Variants in MCF2L2 observed in about 807,000 individuals in gnomAD.
The protein encoded by MCF2L2 is probable guanine nucleotide exchange factor MCF2L2.
Under a neutral mutation model 150.2 loss-of-function variants are expected in MCF2L2, and 102 were observed. The observed-to-expected ratio is 0.68, with a 90% CI of 0.58 to 0.80. MCF2L2 has a LOEUF of 0.80. Ranked by LOEUF, MCF2L2 falls within the 30% of genes least tolerant of loss-of-function variation. MCF2L2 has a pLI of 0.00. For missense variants in MCF2L2, 1,256 were observed against 1,372.8 expected (o/e 0.91, Z 1.34); for synonymous variants, 465 against 491.3 (o/e 0.95, Z 0.71).
At chr3:183,246,662 ACC>A in intron 15 of MCF2L2, among the ~76,000 whole-genome samples, 1 of 152,332 alleles carries the variant, frequency 6.6e-6, no homozygotes, top group South Asian at 2.1e-4. Flanking sequence ...ATGTGCAAGT[ACC>A]TGTCTGAGTC....
At chr3:183,338,447 CAAAAAAA>C (rs58920831) in intron 5 of MCF2L2, among the ~76,000 whole-genome samples, 27 of 104,704 alleles carry the variant, frequency 2.6e-4, no homozygotes, top group South Asian at 1.0e-3. Context: ...AACTCTATCT[CAAAAAAA>C]AAAAAAAAAA....
chr3:183,380,502 AGCGATTCTCCT>A (rs761433373), intron 2 of MCF2L2, among the ~76,000 whole-genome samples: 1 of 152,164 alleles, frequency 6.6e-6, no homozygotes, highest in African/African-American at 2.4e-5. Flanking sequence ...CACAGGTTCA[AGCGATTCTCCT>A]GCCTCAGCCT....
chr3:183,182,222 G>C (rs771844014), intron 27 of MCF2L2, among the ~76,000 whole-genome samples: 1 of 152,120 alleles, frequency 6.6e-6, no homozygotes, highest in African/African-American at 2.4e-5. Flanking sequence ...GTCAACCCCA[G>C]ATTCCACCTC....
At chr3:183,208,713 C>A (rs1042854213) in intron 22 of MCF2L2, among the ~76,000 whole-genome samples, 1 of 152,184 alleles carries the variant, frequency 6.6e-6, no homozygotes, top group Non-Finnish European at 1.5e-5. Context: ...GGGACCAAGA[C>A]AAAGAAATCT....
chr3:183,178,389 G>T lies in MCF2L2; in HGVS notation c.*991C>A, dbSNP rs1182871860. 6.6e-6 allele frequency: 1 copy of T among 152,150 alleles called. No individual in the cohort carries two copies. The highest frequency in any genetic ancestry group is 6.5e-5 in the Admixed American group (1 of 15,280). The allele number at this position is 152,150 out of a possible 1,614,324, so 9.4% of individuals were successfully genotyped here. On this transcript the variant is annotated 3_prime_UTR_variant, in exon 30 of 30. Transcript: ENST00000328913. ...GGAGGCTGAGGCAGGAGAATGGCGT[G>T]AACCCGGGAGGCGGTTTGCAGTGAG...
At chr3:183,359,005 T>G in intron 3 of MCF2L2, among the ~76,000 whole-genome samples, 1 of 137,174 alleles carries the variant, frequency 7.3e-6, no homozygotes, top group East Asian at 2.8e-4. Flanking sequence ...TTCATTGGGT[T>G]TTTTTTTTTT....
At position 183,240,541 on chromosome 3, in the gene MCF2L2, GTCT is replaced by G. The variant is rs200962897; in HGVS notation, c.1863-9527_1863-9525del. On this transcript the variant is annotated intron_variant, in intron 15 of 29. Transcript: ENST00000328913. ...TCCCCCAAAGCTCCATTTTTATCCTGTCTTCATTCTCTCTTCAAGAACTTGCCC... is the reference window on the plus strand; with the variant it reads ...TCCCCCAAAGCTCCATTTTTATCCTGTCATTCTCTCTTCAAGAACTTGCCC... Among the ~76,000 whole-genome samples, 740 of 152,296 alleles carry G rather than the reference GTCT, an allele frequency of 4.9e-3. 25 individuals are homozygous for G. The highest frequency in any genetic ancestry group is 0.046 in the Admixed American group (708 of 15,298).
At chr3:183,194,003 T>A (rs1025837885) in intron 26 of MCF2L2, among the ~76,000 whole-genome samples, 12 of 152,030 alleles carry the variant, frequency 7.9e-5, no homozygotes, top group Non-Finnish European at 1.8e-4. Context: ...TAAGACAAAC[T>A]CCATGCCCTA....
chr3:183,311,510 T>C, intron 8 of MCF2L2, 138 bp downstream of exon 8: 1 of 961,924 alleles, frequency 1.0e-6, no homozygotes. Context: ...TCTTTTTTCC[T>C]TTGTTGTCTC....
chr3:183,278,212 T>TATA (rs1560398605), intron 14 of MCF2L2, among the ~76,000 whole-genome samples: 6 of 147,826 alleles, frequency 4.1e-5, no homozygotes, highest in African/African-American at 1.3e-4. Context: ...ATATATATAT[T>TATA]TTTTATTATA....
In MCF2L2 at chr3:183,300,162, AC is replaced by A; in HGVS notation, c.1147del (p.Val383LeufsTer41). 1 of 1,610,860 alleles carries A rather than the reference AC, an allele frequency of 6.2e-7. No homozygotes were observed. The highest frequency in any genetic ancestry group is 8.5e-7 in the Non-Finnish European group (1 of 1,179,294). Reference protein sequence around the residue: ...PLEKAQLLALVGDQLIQSHHY... With the variant: ...PLEKAQLLALXGDQLIQSHHY... The stretch of plus-strand genomic sequence containing the variant: ...GTGGCTTTGGATGAGCTGGTCCCCA[AC>A]CAGTGCCAGCAGCTGGGCCTTTTCC... On this transcript the variant is annotated frameshift_variant, in exon 11 of 30. Coordinates refer to ENST00000328913, the MANE Select transcript of MCF2L2 (RefSeq NM_015078.4). LOFTEE classifies it high-confidence loss of function.
At position 183,366,272 on chromosome 3, in the gene MCF2L2, T is replaced by C. The variant is rs190862370; in HGVS notation, c.275+13025A>G. On this transcript the variant is annotated intron_variant, in intron 3 of 29. Coordinates refer to ENST00000328913, the MANE Select transcript of MCF2L2 (RefSeq NM_015078.4). ...GATCAATGTTTTTTACATAAAAAAA[T>C]TCCATTCCCAGCCAAACTACTGATC... Among the ~76,000 whole-genome samples, 150 of 152,320 alleles carry C rather than the reference T, an allele frequency of 9.8e-4. 1 individual carries two copies. Among genetic ancestry groups the C allele is most frequent in the Admixed American group, 3.6e-3 (55 of 15,304 alleles).
Position 183,181,440 on chromosome 3 carries a change from CCTAGTCCCAGGAGG to C in MCF2L2, c.3017-1295_3017-1282del, listed in dbSNP as rs1201006142. ...GGTTGAAGCAAGTCCTGGTTGAGTT[CCTAGTCCCAGGAGG>C]TGGGAGGGGCAAGGGGTGGAGGGCA... On this transcript the variant is annotated intron_variant, in intron 27 of 29. Transcript: ENST00000328913. The surrounding 1 kb of genome is among the most constrained non-coding windows in gnomAD (Gnocchi z 4.3). 3.9e-5 allele frequency among the ~76,000 whole-genome samples: 6 copies of C among 152,132 alleles called. No homozygotes were observed. The South Asian group carries it at 1.2e-3, about 32-fold the overall frequency.
chr3:183,415,096 C>T (rs563920247), intron 1 of MCF2L2, among the ~76,000 whole-genome samples: 76 of 152,204 alleles, frequency 5.0e-4, no homozygotes, highest in Admixed American at 1.8e-3. Context: ...GTAGGTTTTC[C>T]ATTTCCTTGT....
chr3:183,258,112 CAT>C (rs1172869753), intron 15 of MCF2L2, among the ~76,000 whole-genome samples: 35 of 152,070 alleles, frequency 2.3e-4, no homozygotes, highest in East Asian at 1.9e-4. Flanking sequence ...GGATTACAGG[CAT>C]GCTCCACCAC....
chr3:183,387,090 TACAA>T (rs1177056431), intron 2 of MCF2L2, among the ~76,000 whole-genome samples: 9 of 151,610 alleles, frequency 5.9e-5, no homozygotes, highest in African/African-American at 1.7e-4. Flanking sequence ...ACCCCATCTC[TACAA>T]AAAATTTAAA....
At chr3:183,353,079 C>T (rs1470478716) in intron 3 of MCF2L2, among the ~76,000 whole-genome samples, 1 of 152,092 alleles carries the variant, frequency 6.6e-6, no homozygotes, top group Non-Finnish European at 1.5e-5. Context: ...GTGATAGAAA[C>T]ATAGGTGTTT....
intron 27 of MCF2L2, among the ~76,000 whole-genome samples, chr3:183,190,543 C>T (rs1239624178): frequency 6.6e-6 from 1 of 152,252 alleles, no homozygotes; most frequent in Non-Finnish European, 1.5e-5. Context: ...AGAAGTCTAG[C>T]ATCAGCCTGA....
chr3:183,252,466 A>G (rs1281745561), intron 15 of MCF2L2, among the ~76,000 whole-genome samples: 1 of 152,244 alleles, frequency 6.6e-6, no homozygotes, highest in African/African-American at 2.4e-5. Flanking sequence ...AAAGCAATTT[A>G]AAAACTTCCT....
Sources: allele counts gnomAD v4.1 joint callset (sites outside exome capture counted in the v4.1 genomes callset), GRCh38; gene constraint gnomAD v4.1.1; non-coding constraint Gnocchi (gnomAD v3.1); transcripts MANE v1.5; gene names NCBI Gene and HGNC (gene_info 2026-07-23, HGNC 2026-07-21).